SUGCT: variants seen among roughly 807,000 people sequenced by gnomAD.
SUGCT encodes the protein succinyl-CoA:glutarate-CoA transferase.
Under a neutral mutation model 55.0 loss-of-function variants are expected in SUGCT, and 41 were observed. The ratio of observed to expected loss-of-function variants is 0.74; its 90% CI spans 0.58 to 0.97. The LOEUF (loss-of-function observed/expected upper bound fraction) is 0.97. Among genes scored for constraint, SUGCT ranks in the 50% least tolerant of loss-of-function variants. SUGCT has a pLI of 0.00. For synonymous variants in SUGCT, 187 were observed against 200.4 expected, an observed-to-expected ratio of 0.93 and a Z score of 0.56; for missense variants, 568 against 547.8, an observed-to-expected ratio of 1.04 and a Z score of -0.37.
At chr7:40,728,805 TA>T (rs1015150284) in intron 12 of SUGCT, among the ~76,000 whole-genome samples, 13 of 152,206 alleles carry the variant, frequency 8.5e-5, no homozygotes, top group African/African-American at 2.9e-4. Context: ...AGTGGCTACA[TA>T]AGGGAGACAT....
intron 13 of SUGCT, among the ~76,000 whole-genome samples, chr7:40,818,801 C>T (rs771413622): frequency 6.6e-6 from 1 of 151,976 alleles, no homozygotes; most frequent in Non-Finnish European, 1.5e-5. Context: ...GGTACATGTG[C>T]ACAACATGCA....
chr7:40,230,781 A>G (rs1018301821), intron 6 of SUGCT, among the ~76,000 whole-genome samples: 2 of 152,170 alleles, frequency 1.3e-5, no homozygotes, highest in African/African-American at 4.8e-5. Context: ...AGATGTCCAT[A>G]CATGCATAAA....
chr7:40,382,884 T>C (rs988252435), intron 9 of SUGCT, among the ~76,000 whole-genome samples: 1 of 152,198 alleles, frequency 6.6e-6, no homozygotes, highest in African/African-American at 2.4e-5. Context: ...TAATATTACA[T>C]AGAGAACTAA....
intron 12 of SUGCT, among the ~76,000 whole-genome samples, chr7:40,554,814 GCAAAACTTGACAATCATTTA>G (rs1308707559): frequency 6.6e-6 from 1 of 151,974 alleles, no homozygotes; most frequent in African/African-American, 2.4e-5. Context: ...AATCCATTTT[GCAAAACTTGACAATCATTTA>G]CCTAAAGCAT....
At chr7:40,931,231 T>C in the SUGCT span, among the ~76,000 whole-genome samples, 1 of 152,208 alleles carries the variant, frequency 6.6e-6, no homozygotes, top group Non-Finnish European at 1.5e-5. Context: ...CATTTATTGA[T>C]TTACATATGT....
intron 9 of SUGCT, among the ~76,000 whole-genome samples, chr7:40,336,298 G>T (rs944418082): frequency 2.0e-5 from 3 of 152,110 alleles, no homozygotes; most frequent in African/African-American, 2.4e-5. Context: ...TTTTTCTGTT[G>T]TTTGGAATAG....
the SUGCT span, among the ~76,000 whole-genome samples, chr7:40,898,443 T>C: frequency 2.6e-5 from 3 of 113,806 alleles, no homozygotes; most frequent in East Asian, 9.1e-4. Flanking sequence ...GGCAGGGCAT[T>C]GGGGCTCACG....
chr7:40,243,128 TTATC>T lies in SUGCT; in HGVS notation c.576+5411_576+5414del, dbSNP rs572502075. On this transcript the variant is annotated intron_variant, in intron 7 of 13. Transcript: ENST00000335693. Reference sequence around the variant, plus strand: ...ATCTCTCTCTCTCTCTATCATCTGTTTATCTATCTATCATCTTTTTTTAATGCAT... The same window carrying T: ...ATCTCTCTCTCTCTCTATCATCTGTTTATCTATCATCTTTTTTTAATGCAT... 5.4e-5 allele frequency among the ~76,000 whole-genome samples: 8 copies of T among 149,532 alleles called. No individual in the cohort carries two copies. The South Asian group carries it at 1.1e-3, about 20-fold the overall frequency.
At chr7:40,781,219 T>C (rs1310238656) in intron 13 of SUGCT, among the ~76,000 whole-genome samples, 1 of 152,224 alleles carries the variant, frequency 6.6e-6, no homozygotes, top group African/African-American at 2.4e-5. Flanking sequence ...GGCTTTCTTA[T>C]TATCTCTGTA....
intron 12 of SUGCT, among the ~76,000 whole-genome samples, chr7:40,697,619 C>T (rs1211072707): frequency 6.6e-6 from 1 of 152,162 alleles, no homozygotes; most frequent in Non-Finnish European, 1.5e-5. Context: ...GCCTGGGTGA[C>T]AGAATGAGAC....
At chr7:40,990,796 T>C in the SUGCT span, among the ~76,000 whole-genome samples, 1 of 152,226 alleles carries the variant, frequency 6.6e-6, no homozygotes, top group Admixed American at 6.5e-5. Context: ...GAGCTTCTTT[T>C]CTCAAACTTC....
At chr7:40,597,988 A>C (rs1798102836) in intron 12 of SUGCT, among the ~76,000 whole-genome samples, 1 of 152,138 alleles carries the variant, frequency 6.6e-6, no homozygotes, top group African/African-American at 2.4e-5. Flanking sequence ...TTTACCCAAA[A>C]AGGTCAGGAA....
rs543236652 is a variant in SUGCT, at chr7:40,140,297, G to A, written c.100+5177G>A. ...TTCCCAGCACCTTTTACTGAAAAGG[G>A]TATCCTTTCCCCAGTAAATGTTGTC... On this transcript the variant is annotated intron_variant, in intron 1 of 13. Coordinates refer to ENST00000335693, the MANE Select transcript of SUGCT (RefSeq NM_001193313.2). Among the ~76,000 whole-genome samples the A allele has an allele frequency of 1.5e-3, 223 of 152,276 alleles. 1 individual carries two copies. Among genetic ancestry groups the A allele is most frequent in the African/African-American group, 5.2e-3 (217 of 41,552 alleles).
intron 12 of SUGCT, among the ~76,000 whole-genome samples, chr7:40,640,024 G>A (rs1310715870): frequency 6.6e-6 from 1 of 152,138 alleles, no homozygotes; most frequent in African/African-American, 2.4e-5. Context: ...TGAATAGTAT[G>A]CAAGAAAGTG....
chr7:40,322,992 T>TAAAATAAAATAAAATAAAATAAA (rs1322474606), intron 9 of SUGCT, among the ~76,000 whole-genome samples: 19 of 152,052 alleles, frequency 1.2e-4, no homozygotes, highest in Admixed American at 6.5e-5. Flanking sequence ...TAAAATAAAA[T>TAAAATAAAATAAAATAAAATAAA]AAACTACTAC....
At chr7:40,846,071 T>C (rs1563044434) in intron 13 of SUGCT, among the ~76,000 whole-genome samples, 1 of 152,294 alleles carries the variant, frequency 6.6e-6, no homozygotes, top group Middle Eastern at 3.4e-3. Flanking sequence ...TCCGGTTTTT[T>C]CCTTAATGGA....
intron 8 of SUGCT, among the ~76,000 whole-genome samples, chr7:40,299,622 C>T (rs1316370139): frequency 6.8e-6 from 1 of 147,600 alleles, no homozygotes; most frequent in Non-Finnish European, 1.5e-5. Context: ...TATAAAATCT[C>T]TTGGGTTTTA....
At chr7:40,189,806 A>G (rs558259075) in intron 5 of SUGCT, among the ~76,000 whole-genome samples, 1 of 152,284 alleles carries the variant, frequency 6.6e-6, no homozygotes, top group South Asian at 2.1e-4. Flanking sequence ...GGTGCTAGCT[A>G]CTATTGACTG....
the SUGCT span, among the ~76,000 whole-genome samples, chr7:40,942,068 A>C: frequency 6.6e-6 from 1 of 152,078 alleles, no homozygotes; most frequent in Non-Finnish European, 1.5e-5. Context: ...TTTAACATTA[A>C]TATTGAGATA....
Sources: allele counts gnomAD v4.1 joint callset (sites outside exome capture counted in the v4.1 genomes callset), GRCh38; gene constraint gnomAD v4.1.1; transcripts MANE v1.5; gene names NCBI Gene and HGNC (gene_info 2026-07-23, HGNC 2026-07-21).